Variants in CNTN3 observed in about 807,000 individuals in gnomAD.
The protein encoded by CNTN3 is contactin-3.
In CNTN3, 60 loss-of-function variants were observed where a neutral mutation model predicts 119.1. The ratio of observed to expected loss-of-function variants is 0.50; its 90% CI spans 0.41 to 0.62. The LOEUF is 0.62. CNTN3 is among the 20% of genes least tolerant of loss of function. The pLI is 0.00. For missense variants in CNTN3, 1,101 were observed against 1,242.4 expected, an observed-to-expected ratio of 0.89 and a Z score of 1.71; for synonymous variants, 450 against 438.7, an observed-to-expected ratio of 1.03 and a Z score of -0.32.
In CNTN3 at chr3:74,285,479, T is replaced by G. The variant is rs755270789; in HGVS notation, c.2530A>C (p.Asn844His). ...HLLGYEVRYW[N>H]GGGKEESSSK... ...GATGATTCCTCCTTTCCACCCCCAT[T>G]CCAGTACCGCACCTGGTGGGCGGAA... The change falls in exon 20 of 23, where the codon AAT becomes CAT. Residue 844 changes from asparagine to histidine, a missense_variant. Transcript: ENST00000263665. The G allele has an allele frequency of 1.2e-6, 2 of 1,610,376 alleles. No individual in the cohort carries two copies. The highest frequency in any genetic ancestry group is 2.7e-5 in the African/African-American group (2 of 74,580).
At chr3:74,600,413 G>A (rs73839606) in intron 1 of CNTN3, among the ~76,000 whole-genome samples, 159 of 152,148 alleles carry the variant, frequency 1.0e-3, no homozygotes, top group African/African-American at 3.6e-3. Context: ...GGCTGTTCTA[G>A]AATGAAAAAT....
intron 5 of CNTN3, among the ~76,000 whole-genome samples, chr3:74,374,643 A>C (rs1340199947): frequency 6.6e-6 from 1 of 152,136 alleles, no homozygotes; most frequent in Admixed American, 6.5e-5. Context: ...GGCTACTCTG[A>C]GATTCCCACT....
At chr3:74,500,720 T>C (rs575098640) in intron 2 of CNTN3, among the ~76,000 whole-genome samples, 1 of 152,030 alleles carries the variant, frequency 6.6e-6, no homozygotes, top group Non-Finnish European at 1.5e-5. Context: ...CAGTTTACAT[T>C]AATAAAAATA....
At chr3:74,463,482 C>T (rs1236199960) in intron 4 of CNTN3, among the ~76,000 whole-genome samples, 1 of 152,088 alleles carries the variant, frequency 6.6e-6, no homozygotes, top group Non-Finnish European at 1.5e-5. Context: ...TTCTTTCTCT[C>T]ATTATGATGC....
chr3:74,301,567 A>T lies in CNTN3; in HGVS notation c.1946-20T>A, dbSNP rs200114044. On this transcript the variant is annotated intron_variant, in intron 15 of 22. Transcript: ENST00000263665. ...CAGGCACTACAAAGGAATATTTCAGAGGTAAGAGTCTGCCTGCTTTAGCAT... is the reference window on the plus strand; with the variant it reads ...CAGGCACTACAAAGGAATATTTCAGTGGTAAGAGTCTGCCTGCTTTAGCAT... 28 of 1,612,894 alleles carry T rather than the reference A, an allele frequency of 1.7e-5. No homozygotes were observed. The highest frequency in any genetic ancestry group is 2.4e-5 in the Non-Finnish European group (28 of 1,179,366).
chr3:74,315,365 T>G (rs192268679), intron 13 of CNTN3, among the ~76,000 whole-genome samples: 1 of 152,332 alleles, frequency 6.6e-6, no homozygotes, highest in Admixed American at 6.5e-5. Flanking sequence ...TTTACTTCCC[T>G]GATAAACTTG....
chr3:74,545,298 TC>T (rs1206592502), intron 1 of CNTN3, among the ~76,000 whole-genome samples: 2 of 152,178 alleles, frequency 1.3e-5, no homozygotes, highest in Non-Finnish European at 2.9e-5. Flanking sequence ...CAATTTAGGC[TC>T]TTCAAAACTG....
chr3:74,414,283 C>T (rs1488325336), intron 5 of CNTN3, among the ~76,000 whole-genome samples: 1 of 152,188 alleles, frequency 6.6e-6, no homozygotes, highest in Non-Finnish European at 1.5e-5. Flanking sequence ...AATTACCTAG[C>T]TTATAAATAA....
Position 74,614,504 on chromosome 3 carries a change from C to G in CNTN3, c.-194G>C, listed in dbSNP as rs1705140755. 6.8e-6 allele frequency among the ~76,000 whole-genome samples: 1 copy of G among 146,772 alleles called. No individual in the cohort carries two copies. The highest frequency in any genetic ancestry group is 6.8e-5 in the Admixed American group (1 of 14,778). ...AGTTAGTCCGGGCCCGGGGGGCCGCCGTGCGCGCCCGCGTAAGCCGCCGCC... is the reference window on the plus strand; with the variant it reads ...AGTTAGTCCGGGCCCGGGGGGCCGCGGTGCGCGCCCGCGTAAGCCGCCGCC... On this transcript the variant is annotated 5_prime_UTR_variant, in exon 1 of 23. Coordinates refer to ENST00000263665, the MANE Select transcript of CNTN3 (RefSeq NM_020872.3).
chr3:74,273,374 G>T (rs1178386292), intron 20 of CNTN3, among the ~76,000 whole-genome samples: 2 of 152,170 alleles, frequency 1.3e-5, no homozygotes, highest in Non-Finnish European at 2.9e-5. Context: ...GTGAATTTTA[G>T]TTCCAGAACA....
intron 13 of CNTN3, among the ~76,000 whole-genome samples, chr3:74,307,739 C>T (rs960113462): frequency 6.6e-6 from 1 of 152,114 alleles, no homozygotes. Flanking sequence ...TTAAAATAAA[C>T]TTCGGAATTA....
intron 4 of CNTN3, among the ~76,000 whole-genome samples, chr3:74,431,918 A>G (rs889266680): frequency 3.9e-5 from 6 of 152,246 alleles, no homozygotes; most frequent in African/African-American, 1.4e-4. Context: ...TACTACTTGT[A>G]TAACACAATG....
At chr3:74,295,044 T>G in intron 19 of CNTN3, 77 bp downstream of exon 19, 1 of 969,456 alleles carries the variant, frequency 1.0e-6, no homozygotes, top group Non-Finnish European at 1.6e-6. Context: ...TAAGAGGTCA[T>G]TGTTAAGGGT....
At position 74,371,393 on chromosome 3, in the gene CNTN3, G is replaced by A; in HGVS notation, c.461C>T (p.Ser154Leu). 6.2e-7 allele frequency: 1 copy of A among 1,611,138 alleles called. No homozygotes were observed. Among genetic ancestry groups the A allele is most frequent in the African/African-American group, 1.3e-5 (1 of 74,916 alleles). ...GTATTCATTGAAGATCCAAGCATAT[G>A]ACAGTTCTAATAAAATTGTTGAAGA... ...CGPPPHSGEL[S>L]YAWIFNEYPS... is the part of the protein sequence containing the mutation. Residue 154 changes from serine to leucine, a missense_variant, in exon 6 of 23, where the codon TCA becomes TTA. By Grantham distance (145) the Ser-to-Leu change is moderately radical. Transcript: ENST00000263665.
intron 1 of CNTN3, among the ~76,000 whole-genome samples, chr3:74,568,849 A>G (rs962326069): frequency 6.6e-6 from 1 of 152,192 alleles, no homozygotes; most frequent in South Asian, 2.1e-4. Flanking sequence ...GGCCTCAGCC[A>G]TTGGTGAGTT....
intron 20 of CNTN3, among the ~76,000 whole-genome samples, chr3:74,274,563 A>G (rs765720349): frequency 1.5e-4 from 23 of 152,126 alleles, no homozygotes; most frequent in Admixed American, 1.1e-3. Flanking sequence ...AACAATCACT[A>G]CAGCTTGGCT....
At chr3:74,324,839 G>C (rs891809315) in intron 13 of CNTN3, among the ~76,000 whole-genome samples, 1 of 152,072 alleles carries the variant, frequency 6.6e-6, no homozygotes, top group Non-Finnish European at 1.5e-5. Flanking sequence ...TAACAGAAAA[G>C]TGACATAAAA....
intron 13 of CNTN3, among the ~76,000 whole-genome samples, chr3:74,305,938 C>A (rs1335439402): frequency 6.6e-6 from 1 of 151,706 alleles, no homozygotes; most frequent in African/African-American, 2.4e-5. Flanking sequence ...TGGGAGAAGT[C>A]AAGTAACATG....
At chr3:74,433,342 A>G (rs1182569678) in intron 4 of CNTN3, among the ~76,000 whole-genome samples, 1 of 152,198 alleles carries the variant, frequency 6.6e-6, no homozygotes, top group Admixed American at 6.5e-5. Flanking sequence ...GGTGTGATAC[A>G]GGGCATCAAA....
Sources: allele counts gnomAD v4.1 joint callset (sites outside exome capture counted in the v4.1 genomes callset), GRCh38; gene constraint gnomAD v4.1.1; transcripts MANE v1.5; gene names NCBI Gene and HGNC (gene_info 2026-07-23, HGNC 2026-07-21).